The following MEAF6 variants were observed in gnomAD, a reference collection of about 807,000 sequenced individuals.
The protein encoded by MEAF6 is MYST/Esa1 associated factor 6, also known as chromatin modification-related protein MEAF6.
MEAF6 carries 15 observed loss-of-function variants against 28.9 expected under a neutral mutation model. That is an observed-to-expected ratio of 0.52 (90% CI 0.35 to 0.80). The LOEUF (loss-of-function observed/expected upper bound fraction) is 0.80. Among genes scored for constraint, MEAF6 ranks in the 30% least tolerant of loss-of-function variants. The pLI, the probability that MEAF6 is intolerant of heterozygous loss-of-function variation, is 0.01. For synonymous variants in MEAF6, 97 were observed against 88.7 expected, an observed-to-expected ratio of 1.09 and a Z score of -0.53; for missense variants, 178 against 237.5, an observed-to-expected ratio of 0.75 and a Z score of 1.65.
intron 6 of MEAF6, among the ~76,000 whole-genome samples, chr1:37,495,116 C>T (rs902342699): frequency 2.0e-5 from 3 of 151,798 alleles, no homozygotes; most frequent in South Asian, 2.1e-4. Context: ...GGGTGGATCA[C>T]GAGGTCAGGA....
chr1:37,492,402 C>T lies in MEAF6; in HGVS notation c.*1697G>A, dbSNP rs779522915. Among the ~76,000 whole-genome samples, 2 of 151,920 alleles carry T rather than the reference C, an allele frequency of 1.3e-5. No homozygotes were observed. Among genetic ancestry groups the T allele is most frequent in the Non-Finnish European group, 2.9e-5 (2 of 67,988 alleles). On this transcript the variant is annotated 3_prime_UTR_variant, in exon 7 of 7. Coordinates refer to ENST00000296214, the MANE Select transcript of MEAF6 (RefSeq NM_001270875.3). ...AGGAAACTGTAGGCATCCCACTCCT[C>T]CCTCCCAGCAAAGGAGACCAACAGA...
At chr1:37,510,071 C>G (rs1642617037) in intron 2 of MEAF6, among the ~76,000 whole-genome samples, 2 of 151,300 alleles carry the variant, frequency 1.3e-5, no homozygotes, top group African/African-American at 4.9e-5. Flanking sequence ...GCCACCGCGC[C>G]CAGACATTTT....
intron 4 of MEAF6, among the ~76,000 whole-genome samples, chr1:37,506,734 G>C (rs1476431406): frequency 6.6e-6 from 1 of 152,076 alleles, no homozygotes; most frequent in African/African-American, 2.4e-5. Flanking sequence ...CTGTCACTCA[G>C]GCTGGAGTGT....
Position 37,500,302 on chromosome 1 carries a change from A to T in MEAF6, c.533+1502T>A, listed in dbSNP as rs183333290. ...AGAGCAAGACTGTCTGAAAAAAATA[A>T]AAAATTAAAAAAAAATGACACTGGA... On this transcript the variant is annotated intron_variant, in intron 5 of 6. Coordinates refer to ENST00000296214, the MANE Select transcript of MEAF6 (RefSeq NM_001270875.3). 3.5e-3 allele frequency among the ~76,000 whole-genome samples: 527 copies of T among 152,168 alleles called. 2 individuals are homozygous for T. Among genetic ancestry groups the T allele is most frequent in the African/African-American group, 0.011 (459 of 41,464 alleles).
intron 5 of MEAF6, chr1:37,496,450 T>C: frequency 3.8e-6 from 2 of 519,684 alleles, no homozygotes; most frequent in Non-Finnish European, 6.1e-6. Flanking sequence ...TCAATTTAAA[T>C]ATGAGTTAAA....
intron 4 of MEAF6, among the ~76,000 whole-genome samples, chr1:37,503,011 T>C (rs367546916): frequency 9.2e-5 from 14 of 152,114 alleles, no homozygotes; most frequent in African/African-American, 1.9e-4. Flanking sequence ...GGTGTGATCA[T>C]AGCTCATGGC....
chr1:37,513,589 T>C (rs762021533), intron 1 of MEAF6, 51 bp from the exon 2 acceptor site: 1 of 1,411,008 alleles, frequency 7.1e-7, no homozygotes, highest in East Asian at 2.3e-5. Context: ...ATGCAAACAC[T>C]TAAGTCTGGC....
In MEAF6 at chr1:37,493,813, T is replaced by C. The variant is rs1214511332; in HGVS notation, c.*286A>G. On this transcript the variant is annotated 3_prime_UTR_variant, in exon 7 of 7. Transcript: ENST00000296214. The stretch of plus-strand genomic sequence containing the variant: ...CAGCCAGTTTTGGGGGAGACATTCA[T>C]TCTAAGAAGGGAGAAACGCACAGTT... 5.2e-6 allele frequency: 8 copies of C among 1,550,920 alleles called. No homozygotes were observed.
chr1:37,513,774 A>G (rs1205212752), intron 1 of MEAF6: 2 of 567,840 alleles, frequency 3.5e-6, no homozygotes, highest in East Asian at 5.6e-5. Context: ...ATACACACAC[A>G]CGCGAAATTT....
chr1:37,497,421 C>G (rs1264825793), intron 5 of MEAF6, among the ~76,000 whole-genome samples: 1 of 152,044 alleles, frequency 6.6e-6, no homozygotes, highest in Non-Finnish European at 1.5e-5. Flanking sequence ...CTACAGCATT[C>G]ATCCTAAAAG....
chr1:37,498,409 T>TTATTATTA (rs1642189837), intron 5 of MEAF6, among the ~76,000 whole-genome samples: 18 of 122,528 alleles, frequency 1.5e-4, no homozygotes, highest in African/African-American at 4.8e-4. Context: ...TATGTTATTT[T>TTATTATTA]TTATTATTAT....
intron 2 of MEAF6, 47 bp downstream of exon 2, chr1:37,513,374 CAA>C: frequency 6.7e-7 from 1 of 1,484,800 alleles, no homozygotes; most frequent in African/African-American, 1.4e-5. Flanking sequence ...GTCCTAAAAA[CAA>C]ACGTTACTAG....
chr1:37,501,245 T>C (rs1642292333), intron 5 of MEAF6, among the ~76,000 whole-genome samples: 1 of 152,200 alleles, frequency 6.6e-6, no homozygotes. Context: ...CTCTCATATT[T>C]TACAGGCTTT....
At chr1:37,503,658 C>CA (rs773565571) in intron 4 of MEAF6, among the ~76,000 whole-genome samples, 3,639 of 45,622 alleles carry the variant, frequency 0.08, 164 homozygotes, top group African/African-American at 0.16. Flanking sequence ...AAGACTGTCT[C>CA]AAAAAAAAAA....
At chr1:37,509,150 C>CAGGAAGAAGAGGG in intron 4 of MEAF6, 128 bp downstream of exon 4, 2 of 892,874 alleles carry the variant, frequency 2.2e-6, no homozygotes, top group Non-Finnish European at 1.8e-6. Context: ...TCAAAACTTC[C>CAGGAAGAAGAGGG]AGGAAGAAGA....
intron 5 of MEAF6, 63 bp downstream of exon 5, chr1:37,501,741 C>G: frequency 7.2e-7 from 1 of 1,385,484 alleles, no homozygotes; most frequent in Non-Finnish European, 9.6e-7. Flanking sequence ...AGTTTTTATT[C>G]TAGGCAATTC....
intron 5 of MEAF6, among the ~76,000 whole-genome samples, chr1:37,497,654 C>T (rs1286138770): frequency 6.6e-6 from 1 of 151,952 alleles, no homozygotes; most frequent in Non-Finnish European, 1.5e-5. Flanking sequence ...TGCAATGGCG[C>T]AATCTTGGCT....
intron 4 of MEAF6, among the ~76,000 whole-genome samples, chr1:37,508,039 C>T (rs1271398766): frequency 6.6e-6 from 1 of 151,962 alleles, no homozygotes; most frequent in African/African-American, 2.4e-5. Context: ...CACAGTAATA[C>T]CGAGAACAGG....
At position 37,501,945 on chromosome 1, in the gene MEAF6, T is replaced by G. The variant is rs1198473118; in HGVS notation, c.392A>C (p.Gln131Pro). 1 of 1,610,818 alleles carries G rather than the reference T, an allele frequency of 6.2e-7. No individual in the cohort carries two copies. Among genetic ancestry groups the G allele is most frequent in the Non-Finnish European group, 8.5e-7 (1 of 1,177,360 alleles). ...GTCCTCCTGGCTGGGCTCATTTTCC[T>G]GATTGTGGAAGTCTGGAGAAGTGTC... The part of the protein sequence containing the change: ...ESDTSPDFHN[Q>P]ENEPSQEDPE... Residue 131 changes from glutamine (Q) to proline (P), a missense_variant, in exon 5 of 7, where the codon CAG becomes CCG. This residue lies in a region of MEAF6 where 124 missense variants were observed against 200.5 expected (regional missense o/e 0.62). Transcript: ENST00000296214.
Sources: allele counts gnomAD v4.1 joint callset (sites outside exome capture counted in the v4.1 genomes callset), GRCh38; gene constraint gnomAD v4.1.1; regional missense constraint gnomAD v4.1.1; transcripts MANE v1.5; gene names NCBI Gene and HGNC (gene_info 2026-07-23, HGNC 2026-07-21).